DACH2: variants seen among roughly 807,000 people sequenced by gnomAD.
The protein encoded by DACH2 is dachshund family transcription factor 2, also known as dachshund homolog 2.
Under a neutral mutation model 35.8 loss-of-function variants are expected in DACH2, and 17 were observed. That is an observed-to-expected ratio of 0.48 (90% CI 0.33 to 0.71). The LOEUF is 0.71. Among genes scored for constraint, DACH2 ranks in the 30% least tolerant of loss-of-function variants. The probability of loss-of-function intolerance (pLI) is 0.02; values close to 1 mark genes in which losing one functional copy is unlikely to be tolerated. For missense variants in DACH2, 469 were observed against 472.7 expected, an observed-to-expected ratio of 0.99 and a Z score of 0.07; for synonymous variants, 195 against 177.3, an observed-to-expected ratio of 1.10 and a Z score of -0.79.
At chrX:86,815,071 A>C (rs752104111) in intron 10 of DACH2, among the ~76,000 whole-genome samples, 6 of 111,902 alleles carry the variant, frequency 5.4e-5, no homozygotes, top group African/African-American at 1.9e-4. Context: ...CCTTGGAATA[A>C]TAGGAAGTCC....
intron 2 of DACH2, among the ~76,000 whole-genome samples, chrX:86,445,514 T>TAA (rs11368431): frequency 7.0e-4 from 33 of 47,272 alleles, no homozygotes; most frequent in Middle Eastern, 0.013. Context: ...ATAATAATAA[T>TAA]AAAAAAAAAG....
At chrX:86,180,438 C>G (rs2031452476) in intron 1 of DACH2, among the ~76,000 whole-genome samples, 1 of 108,547 alleles carries the variant, frequency 9.2e-6, no homozygotes, top group East Asian at 2.9e-4. Context: ...AAATATAATG[C>G]AAACCATCTC....
At chrX:86,649,056 C>T (rs968860813) in intron 3 of DACH2, among the ~76,000 whole-genome samples, 4 of 110,136 alleles carry the variant, frequency 3.6e-5, no homozygotes, top group Non-Finnish European at 7.6e-5. Context: ...AATAACTGAC[C>T]TATAATGGTT....
chrX:86,454,048 G>A (rs937585890), intron 2 of DACH2, among the ~76,000 whole-genome samples: 3 of 111,279 alleles, frequency 2.7e-5, no homozygotes, highest in African/African-American at 9.8e-5. Flanking sequence ...GCTTAGTTTG[G>A]CTAGATATGA....
intron 1 of DACH2, among the ~76,000 whole-genome samples, chrX:86,196,631 T>C (rs1291358663): frequency 1.2e-4 from 10 of 86,422 alleles, no homozygotes; most frequent in African/African-American, 4.8e-4. Flanking sequence ...AGGTGGAGCT[T>C]GCAGTGAGCC....
chrX:86,302,715 G>T (rs1190949896), intron 1 of DACH2, among the ~76,000 whole-genome samples: 1 of 109,887 alleles, frequency 9.1e-6, no homozygotes, highest in Non-Finnish European at 1.9e-5. Flanking sequence ...TCTATATATA[G>T]CACATATATT....
intron 2 of DACH2, among the ~76,000 whole-genome samples, chrX:86,397,388 C>A (rs2036318464): frequency 9.0e-6 from 1 of 111,436 alleles, no homozygotes; most frequent in Non-Finnish European, 1.9e-5. Flanking sequence ...TTATTTTCTT[C>A]TCTTGCCTAA....
At chrX:86,410,401 G>A (rs2036590687) in intron 2 of DACH2, among the ~76,000 whole-genome samples, 1 of 111,632 alleles carries the variant, frequency 9.0e-6, no homozygotes, top group South Asian at 3.7e-4. Context: ...TGTTACTCTG[G>A]ATGTCTAAAT....
intron 2 of DACH2, among the ~76,000 whole-genome samples, chrX:86,507,091 A>G (rs1471453736): frequency 8.9e-6 from 1 of 112,018 alleles, no homozygotes; most frequent in East Asian, 2.8e-4. Context: ...TTCTGAGTTT[A>G]TTGATTGAAT....
intron 1 of DACH2, among the ~76,000 whole-genome samples, chrX:86,180,648 T>C (rs2031458731): frequency 9.0e-6 from 1 of 111,368 alleles, no homozygotes; most frequent in African/African-American, 3.3e-5. Flanking sequence ...CCAGCTGCTA[T>C]TCTCTTGAAG....
At chrX:86,449,084 T>G (rs1437990328) in intron 2 of DACH2, among the ~76,000 whole-genome samples, 2 of 13,346 alleles carry the variant, frequency 1.5e-4, no homozygotes, top group African/African-American at 3.1e-4. Context: ...TTTATTTGCG[T>G]AGAGGTGTTT....
At chrX:86,540,592 C>T (rs966988047) in intron 3 of DACH2, among the ~76,000 whole-genome samples, 4 of 112,103 alleles carry the variant, frequency 3.6e-5, no homozygotes, top group African/African-American at 1.3e-4. Context: ...GACTATTGAT[C>T]GGGACATTTA....
chrX:86,182,229 C>A (rs941627860), intron 1 of DACH2, among the ~76,000 whole-genome samples: 9 of 111,708 alleles, frequency 8.1e-5, no homozygotes, highest in Non-Finnish European at 1.5e-4. Context: ...GTTGCCATTG[C>A]TTTTGGTGTT....
intron 1 of DACH2, among the ~76,000 whole-genome samples, chrX:86,260,927 G>T (rs1408076976): frequency 2.7e-5 from 3 of 112,017 alleles, no homozygotes; most frequent in African/African-American, 9.7e-5. Flanking sequence ...AAATTGGAAG[G>T]TCTAATCCAG....
chrX:86,721,575 C>A (rs187644284), intron 6 of DACH2, among the ~76,000 whole-genome samples: 1 of 111,793 alleles, frequency 8.9e-6, no homozygotes, highest in East Asian at 2.8e-4. Context: ...CAAACGTTAT[C>A]ACATCTTCCT....
At chrX:86,373,102 C>G (rs1407881692) in intron 1 of DACH2, among the ~76,000 whole-genome samples, 1 of 110,729 alleles carries the variant, frequency 9.0e-6, no homozygotes, top group Non-Finnish European at 1.9e-5. Context: ...GATTCCATGT[C>G]TTTGCTATTA....
chrX:86,230,560 A>C (rs1187178663), intron 1 of DACH2, among the ~76,000 whole-genome samples: 4 of 111,373 alleles, frequency 3.6e-5, no homozygotes, highest in Non-Finnish European at 7.5e-5. Context: ...CAAAAGGATT[A>C]GTACCAATTT....
At chrX:86,654,187 T>TAA (rs764775335) in intron 4 of DACH2, among the ~76,000 whole-genome samples, 1,745 of 40,377 alleles carry the variant, frequency 0.043, 203 homozygotes, top group African/African-American at 0.081. Context: ...ACATTTTTAG[T>TAA]AAAAAAAAAA....
chrX:86,590,963 C>A (rs1290249612), intron 3 of DACH2, among the ~76,000 whole-genome samples: 2 of 110,505 alleles, frequency 1.8e-5, no homozygotes, highest in East Asian at 2.9e-4. Flanking sequence ...ATCCCTCCCC[C>A]TTCCCCCTTC....
Sources: gnomAD v4.1 joint callset for allele counts (sites outside exome capture counted in the v4.1 genomes callset) on GRCh38, gnomAD v4.1.1 for gene constraint, MANE v1.5 for transcripts, NCBI Gene and HGNC (gene_info 2026-07-23, HGNC 2026-07-21) for gene names.